The following SOX5 variants were observed in gnomAD, a reference collection of about 807,000 sequenced individuals.
SOX5 encodes the protein transcription factor SOX-5.
SOX5 carries 9 observed loss-of-function variants against 92.0 expected under a neutral mutation model. The ratio of observed to expected loss-of-function variants is 0.10; its 90% confidence interval spans 0.06 to 0.17. The LOEUF (loss-of-function observed/expected upper bound fraction) is 0.17, where lower values mean the gene tolerates loss of function less well. Ranked by LOEUF, SOX5 falls within the 10% of genes least tolerant of loss-of-function variation. The pLI is 1.00. For missense variants in SOX5, 642 were observed against 944.5 expected (o/e 0.68, Z 4.20); for synonymous variants, 344 against 336.3 (o/e 1.02, Z -0.25).
At chr12:23,654,100 C>T (rs938668292) in intron 7 of SOX5, among the ~76,000 whole-genome samples, 11 of 151,792 alleles carry the variant, frequency 7.2e-5, no homozygotes, top group Admixed American at 1.3e-4. Context: ...TTTTTGTGCA[C>T]GGTTTAATTC....
intron 3 of SOX5, among the ~76,000 whole-genome samples, chr12:24,218,220 A>T (rs937252144): frequency 6.6e-6 from 1 of 152,214 alleles, no homozygotes; most frequent in African/African-American, 2.4e-5. Flanking sequence ...AGTTACCAAT[A>T]ATCTAAATGT....
chr12:24,016,585 C>A (rs1475093166), intron 4 of SOX5, among the ~76,000 whole-genome samples: 1 of 152,138 alleles, frequency 6.6e-6, no homozygotes, highest in Non-Finnish European at 1.5e-5. Context: ...GCCAAATGGG[C>A]TCTAATGACT....
chr12:24,034,371 C>T (rs1333595954), intron 4 of SOX5, among the ~76,000 whole-genome samples: 1 of 152,002 alleles, frequency 6.6e-6, no homozygotes, highest in Admixed American at 6.6e-5. Context: ...CCTCTCAGCA[C>T]ATCTGGTAAC....
chr12:24,403,688 T>G (rs971047612), intron 1 of SOX5, among the ~76,000 whole-genome samples: 40 of 152,348 alleles, frequency 2.6e-4, no homozygotes, highest in African/African-American at 8.9e-4. Flanking sequence ...AACAGTCTAC[T>G]TTACTTAAAA....
intron 2 of SOX5, among the ~76,000 whole-genome samples, chr12:23,862,865 A>C (rs959988278): frequency 6.6e-6 from 1 of 152,160 alleles, no homozygotes; most frequent in Non-Finnish European, 1.5e-5. Context: ...CATTCATTCA[A>C]ATCACTCACT....
At chr12:24,110,037 A>G (rs1947135199) in intron 4 of SOX5, among the ~76,000 whole-genome samples, 1 of 152,240 alleles carries the variant, frequency 6.6e-6, no homozygotes, top group Non-Finnish European at 1.5e-5. Context: ...TTCAGATCAT[A>G]GCAATGATGT....
At chr12:23,668,735 G>C (rs539608112) in intron 6 of SOX5, among the ~76,000 whole-genome samples, 1 of 151,694 alleles carries the variant, frequency 6.6e-6, no homozygotes, top group African/African-American at 2.4e-5. Context: ...CATGTTATTC[G>C]CAGGTTAAAT....
At chr12:24,221,720 C>T (rs1232916177) in intron 3 of SOX5, among the ~76,000 whole-genome samples, 3 of 152,128 alleles carry the variant, frequency 2.0e-5, no homozygotes, top group East Asian at 1.9e-4. Flanking sequence ...GAATACAACA[C>T]AATGTATTAA....
intron 4 of SOX5, among the ~76,000 whole-genome samples, chr12:24,209,666 C>A (rs1216211457): frequency 3.3e-5 from 5 of 152,126 alleles, no homozygotes; most frequent in Admixed American, 3.3e-4. Context: ...CCCCACCTCC[C>A]AAATTACTTT....
intron 4 of SOX5, among the ~76,000 whole-genome samples, chr12:23,753,325 T>C (rs763163520): frequency 4.6e-5 from 7 of 151,470 alleles, no homozygotes; most frequent in South Asian, 2.1e-4. Context: ...GTATGAAATA[T>C]TCAGAAAAGG....
At chr12:23,566,107 C>T (rs10505894) in intron 10 of SOX5, among the ~76,000 whole-genome samples, 48,642 of 152,018 alleles carry the variant, frequency 0.32, 8,218 homozygotes, top group Non-Finnish European at 0.38. Flanking sequence ...GATTTCTATA[C>T]GTCTTCATTG....
At chr12:23,958,180 AT>A in intron 4 of SOX5, among the ~76,000 whole-genome samples, 1 of 152,190 alleles carries the variant, frequency 6.6e-6, no homozygotes, top group East Asian at 1.9e-4. Context: ...CCAACTTCAG[AT>A]TTACTCAGTT....
intron 8 of SOX5, among the ~76,000 whole-genome samples, chr12:23,610,555 A>G (rs537312063): frequency 7.2e-5 from 11 of 152,178 alleles, no homozygotes; most frequent in Non-Finnish European, 1.6e-4. Context: ...AATATTATTA[A>G]TATAGATCTC....
intron 3 of SOX5, among the ~76,000 whole-genome samples, chr12:24,222,521 A>G (rs1035935526): frequency 6.6e-6 from 1 of 152,138 alleles, no homozygotes; most frequent in Non-Finnish European, 1.5e-5. Flanking sequence ...TGAAGACTGA[A>G]TGTGGGTGGA....
intron 4 of SOX5, among the ~76,000 whole-genome samples, chr12:24,105,390 A>T (rs1447841512): frequency 6.6e-6 from 1 of 152,018 alleles, no homozygotes; most frequent in Non-Finnish European, 1.5e-5. Flanking sequence ...AAACTACAAA[A>T]ATTAGCCAGG....
At chr12:23,813,807 A>G (rs963926911) in intron 3 of SOX5, among the ~76,000 whole-genome samples, 2 of 152,184 alleles carry the variant, frequency 1.3e-5, no homozygotes, top group African/African-American at 4.8e-5. Flanking sequence ...TTTAAATATT[A>G]TAACTATAAC....
intron 4 of SOX5, among the ~76,000 whole-genome samples, chr12:24,110,711 C>T (rs1340157005): frequency 1.3e-5 from 2 of 151,552 alleles, no homozygotes; most frequent in Non-Finnish European, 2.9e-5. Flanking sequence ...TGGTGAAACT[C>T]CGTCTCTACT....
At chr12:23,661,465 T>C (rs1000960317) in intron 7 of SOX5, among the ~76,000 whole-genome samples, 4 of 152,138 alleles carry the variant, frequency 2.6e-5, no homozygotes. Flanking sequence ...AACCACCTTT[T>C]CTCAAATGTC....
intron 3 of SOX5, among the ~76,000 whole-genome samples, chr12:23,760,613 GC>G (rs5797037): frequency 0.92 from 139,475 of 151,914 alleles, 64,681 homozygotes; most frequent in Non-Finnish European, 0.99. Flanking sequence ...CCAGTGAATG[GC>G]CCCCCCCAAC....
Sources: allele counts gnomAD v4.1 joint callset (sites outside exome capture counted in the v4.1 genomes callset), GRCh38; gene constraint gnomAD v4.1.1; transcripts MANE v1.5; gene names NCBI Gene and HGNC (gene_info 2026-07-23, HGNC 2026-07-21).